CEP350: variants seen among roughly 807,000 people sequenced by gnomAD.
The protein encoded by CEP350 is centrosomal protein 350.
A neutral mutation model predicts 331.8 loss-of-function variants in CEP350; 126 were observed. The observed-to-expected ratio is 0.38, with a 90% CI of 0.33 to 0.44. CEP350 has a LOEUF of 0.44. Ranked by LOEUF, CEP350 falls within the 20% of genes least tolerant of loss-of-function variation. The probability of loss-of-function intolerance (pLI) is 1.00; values close to 1 mark genes in which losing one functional copy is unlikely to be tolerated. For missense variants in CEP350, 3,406 were observed against 3,634.6 expected (o/e 0.94, Z 1.62); for synonymous variants, 1,200 against 1,259.5 (o/e 0.95, Z 1.00).
chr1:180,007,743 AC>A (rs1371699831), intron 8 of CEP350, among the ~76,000 whole-genome samples: 6 of 151,844 alleles, frequency 4.0e-5, no homozygotes, highest in Non-Finnish European at 8.8e-5. Context: ...TTTAGGTCTT[AC>A]GTTTAAGTCT....
chr1:180,047,514 T>C (rs1337351068), intron 21 of CEP350, among the ~76,000 whole-genome samples: 2 of 151,980 alleles, frequency 1.3e-5, no homozygotes, highest in Non-Finnish European at 1.5e-5. Context: ...CCCAGCACTT[T>C]GGGAGACCGA....
rs537468804 is a variant in CEP350 at position 180,000,045 on chromosome 1, A to G, written c.1018+2870A>G. ...CAGAACCTAGTACAGTGTCATGGAC[A>G]TAAGTAAGTGCACAGTAAGTTTTTT... On this transcript the variant is annotated intron_variant, in intron 6 of 37. Coordinates refer to ENST00000367607, the MANE Select transcript of CEP350 (RefSeq NM_014810.5). Among the ~76,000 whole-genome samples, 355 of 152,306 alleles carry G rather than the reference A, an allele frequency of 2.3e-3. 1 individual carries two copies. The highest frequency in any genetic ancestry group is 2.2e-3 in the Non-Finnish European group (153 of 68,018).
At chr1:179,968,837 C>T (rs1651217600) in intron 1 of CEP350, 1 of 713,618 alleles carries the variant, frequency 1.4e-6, no homozygotes, top group Non-Finnish European at 2.6e-6. Context: ...GCAGCTCGTG[C>T]CATTGTTACC....
rs765544837 is a variant in CEP350 at position 180,013,827 on chromosome 1, T to C, written c.1394-20T>C. The stretch of plus-strand genomic sequence containing the variant: ...TGAGTATAGAATTTCGGTATATCAC[T>C]AACAGTTCATACTTTGCAGGGGGTC... On this transcript the variant is annotated intron_variant, in intron 9 of 37. Transcript: ENST00000367607. 5 of 1,577,850 alleles carry C rather than the reference T, an allele frequency of 3.2e-6. No individual in the cohort carries two copies. The African/African-American group carries it at 6.8e-5, about 22-fold the overall frequency.
At position 180,020,290 on chromosome 1, in the gene CEP350, T is replaced by C. The variant is rs780210944; in HGVS notation, c.2516T>C (p.Ile839Thr). ...KATAASLSSR[I>T]ESEAKKLAGA... is the part of the protein sequence containing the mutation. ...ACAGCTGCTTCTTTGTCCAGCAGAA[T>C]TGAAAGTGAAGCCAAGAAATTAGCT... Residue 839 changes from isoleucine to threonine, a missense_variant, in exon 12 of 38, where the codon ATT becomes ACT. Physicochemically the swap from Ile to Thr is moderately conservative, Grantham distance 89. Around this residue, in one of 5 missense-constraint regions of CEP350, gnomAD observed 1,857 missense variants for 1,909.2 expected, o/e 0.97. Transcript: ENST00000367607. 1.4e-5 allele frequency: 22 copies of C among 1,613,996 alleles called. No homozygotes were observed. The highest frequency in any genetic ancestry group is 2.2e-5 in the East Asian group (1 of 44,886).
rs781431139 is a variant in CEP350 at position 180,020,691 on chromosome 1, A to G, written c.2917A>G (p.Ile973Val). Residue 973 changes from isoleucine (I) to valine (V), a missense_variant, in exon 12 of 38, where the codon ATA (isoleucine) becomes GTA (valine). Ile to Val is a conservative substitution (Grantham distance 29). This residue lies in a region of CEP350 where 1,857 missense variants were observed against 1,909.2 expected (regional missense o/e 0.97). Transcript: ENST00000367607. Reference sequence around the variant, plus strand: ...AGCCTGTTCTCAAGACAAAGCCAAAATATCTCTTGGTTCCAGCATAGATTC... The same window carrying G: ...AGCCTGTTCTCAAGACAAAGCCAAAGTATCTCTTGGTTCCAGCATAGATTC... ...MQACSQDKAK[I>V]SLGSSIDSVS... The G allele has an allele frequency of 1.9e-6, 3 of 1,614,006 alleles. No individual in the cohort carries two copies. The East Asian group carries it at 6.7e-5, about 36-fold the overall frequency.
At chr1:179,989,912 G>A (rs536676094) in intron 3 of CEP350, among the ~76,000 whole-genome samples, 4 of 152,268 alleles carry the variant, frequency 2.6e-5, no homozygotes, top group Non-Finnish European at 4.4e-5. Flanking sequence ...TAATTGGCTG[G>A]GCATAGTGGC....
At chr1:180,018,857 C>CTTTTTTTTTT (rs5779042) in intron 11 of CEP350, among the ~76,000 whole-genome samples, 1 of 142,104 alleles carries the variant, frequency 7.0e-6, no homozygotes, top group Non-Finnish European at 1.5e-5. Context: ...CTCTTTCTTT[C>CTTTTTTTTTT]TTTTTTTTTT....
chr1:180,031,503 T>C lies in CEP350; in HGVS notation c.3725+9T>C, dbSNP rs1558114190. On this transcript the variant is annotated intron_variant, in intron 15 of 37. Transcript: ENST00000367607. ...TCTGGACATTCTGTGAGGTAATGTA[T>C]ATTTTATACTGTAATTTATATATAA... 23 of 1,250,438 alleles carry C rather than the reference T, an allele frequency of 1.8e-5. No homozygotes were observed. The highest frequency in any genetic ancestry group is 3.4e-5 in the Admixed American group (1 of 29,448). 77.5% of individuals were successfully genotyped at this position (1,250,438 alleles called of 1,614,324 possible).
intron 5 of CEP350, among the ~76,000 whole-genome samples, chr1:179,993,301 A>C (rs555422542): frequency 6.6e-6 from 1 of 152,282 alleles, no homozygotes; most frequent in African/African-American, 2.4e-5. Flanking sequence ...AAACACACAG[A>C]TATTAAGCAG....
intron 5 of CEP350, 29 bp downstream of exon 5, chr1:179,992,250 A>G: frequency 2.8e-6 from 4 of 1,440,004 alleles, no homozygotes; most frequent in South Asian, 1.6e-5. Flanking sequence ...AAAAGGTATC[A>G]AATAGGTTTA....
In CEP350 at chr1:180,093,959, T is replaced by G. The variant is rs1477769318; in HGVS notation, c.7854T>G (p.Pro2618=). The G allele has an allele frequency of 6.2e-7, 1 of 1,613,708 alleles. No homozygotes were observed. Among genetic ancestry groups the G allele is most frequent in the East Asian group, 2.2e-5 (1 of 44,880 alleles). Residue 2618 remains proline (P), a synonymous_variant, in exon 34 of 38, where the codon CCT becomes CCG. Transcript: ENST00000367607. ...VSEYFYEKSL[P]SVNDIEASVN... The stretch of plus-strand genomic sequence containing the variant: ...AATATTTTTATGAGAAATCCCTACC[T>G]AGTGTGAATGATATAGAAGCCTCAG...
Position 180,041,343 on chromosome 1 carries a change from T to C in CEP350, c.4221+95T>C. ...CTTTTAATTATATAGGAGAAAAAAG[T>C]GTATATATAAATAATAAAGTTTTAG... On this transcript the variant is annotated intron_variant, in intron 18 of 37. Coordinates refer to ENST00000367607, the MANE Select transcript of CEP350 (RefSeq NM_014810.5). The C allele has an allele frequency of 3.5e-6, 3 of 857,380 alleles. No homozygotes were observed. In the South Asian group the frequency reaches 5.7e-5, roughly 16 times the overall value. The allele number at this position is 857,380 out of a possible 1,614,324, so 53.1% of individuals were successfully genotyped here. A position where few individuals can be genotyped will look rare whatever the true frequency, so the allele number is the denominator to read the frequency against.
chr1:179,976,571 A>AT (rs1306349675), intron 1 of CEP350, among the ~76,000 whole-genome samples: 1 of 151,752 alleles, frequency 6.6e-6, no homozygotes, highest in Non-Finnish European at 1.5e-5. Flanking sequence ...GGAGAATGGC[A>AT]TGAACCTGGG....
chr1:180,030,526 G>A (rs895357649), intron 14 of CEP350, among the ~76,000 whole-genome samples: 7 of 151,750 alleles, frequency 4.6e-5, no homozygotes, highest in African/African-American at 1.7e-4. Flanking sequence ...CAGGAGGCCT[G>A]GGTGTATGTC....
At chr1:179,964,726 A>T (rs1276973073) in intron 1 of CEP350, among the ~76,000 whole-genome samples, 1 of 144,676 alleles carries the variant, frequency 6.9e-6, no homozygotes, top group African/African-American at 2.5e-5. Flanking sequence ...GAGTTCTGTC[A>T]CCTTTGTCAT....
intron 36 of CEP350, among the ~76,000 whole-genome samples, chr1:180,098,142 G>A (rs572054414): frequency 2.6e-5 from 4 of 151,956 alleles, no homozygotes; most frequent in African/African-American, 9.7e-5. Context: ...AGCTAATTTT[G>A]TATTTTTAGT....
intron 22 of CEP350, among the ~76,000 whole-genome samples, chr1:180,051,312 T>C (rs1323813117): frequency 6.6e-6 from 1 of 152,208 alleles, no homozygotes; most frequent in Non-Finnish European, 1.5e-5. Flanking sequence ...CATGGACGAA[T>C]TTTAAATGAA....
rs772288485 is a variant in CEP350, at chr1:180,112,504, C to T, written c.*1343C>T. 6.6e-6 allele frequency: 1 copy of T among 152,622 alleles called. No individual in the cohort carries two copies. The highest frequency in any genetic ancestry group is 1.5e-5 in the Non-Finnish European group (1 of 68,042). The allele number at this position is 152,622 out of a possible 1,614,324, so 9.5% of individuals were successfully genotyped here. ...ATAGACTCCAGCTGCTACATTAGAG[C>T]ATAAGAGATGCTCTCCTGGGACCTC... On this transcript the variant is annotated 3_prime_UTR_variant, in exon 38 of 38. Coordinates refer to ENST00000367607, the MANE Select transcript of CEP350 (RefSeq NM_014810.5).
Sources: allele counts gnomAD v4.1 joint callset (sites outside exome capture counted in the v4.1 genomes callset), GRCh38; gene constraint gnomAD v4.1.1; regional missense constraint gnomAD v4.1.1; transcripts MANE v1.5; gene names NCBI Gene and HGNC (gene_info 2026-07-23, HGNC 2026-07-21).